Variants in SYN1 observed in about 807,000 individuals in gnomAD.
The protein encoded by SYN1 is synapsin-1.
A neutral mutation model predicts 44.6 loss-of-function variants in SYN1; 8 were observed. The observed-to-expected ratio is 0.18, with a 90% CI of 0.11 to 0.32. SYN1 has a LOEUF of 0.32. SYN1 is among the 10% of genes least tolerant of loss of function. The probability of loss-of-function intolerance (pLI) is 1.00; values close to 1 mark genes in which losing one functional copy is unlikely to be tolerated. For synonymous variants in SYN1, 275 were observed against 280.1 expected, an observed-to-expected ratio of 0.98 and a Z score of 0.18; for missense variants, 451 against 639.4, an observed-to-expected ratio of 0.71 and a Z score of 3.18.
chrX:47,614,342 T>C (rs1416955096), intron 1 of SYN1, among the ~76,000 whole-genome samples: 2 of 111,378 alleles, frequency 1.8e-5, no homozygotes, highest in Non-Finnish European at 3.8e-5. Flanking sequence ...GAGAAGGGCA[T>C]GGGGACCAAA....
chrX:47,577,362 G>A, intron 6 of SYN1, 77 bp downstream of exon 6: 1 of 1,056,113 alleles, frequency 9.5e-7, no homozygotes, highest in South Asian at 2.0e-5. Flanking sequence ...CACCCCAGGA[G>A]ACGCGATCAC....
intron 5 of SYN1, among the ~76,000 whole-genome samples, chrX:47,593,048 G>A (rs1205498550): frequency 6.5e-5 from 7 of 107,330 alleles, no homozygotes; most frequent in Non-Finnish European, 9.6e-5. Flanking sequence ...CTAATTTTGT[G>A]TTTTTTTTGT....
rs1569331330 is a variant in SYN1 at position 47,608,279 on chromosome X, G to GAAGA, written c.378-1082_378-1081insTCTT. Among the ~76,000 whole-genome samples the GAAGA allele has an allele frequency of 4.3e-3, 43 of 10,075 alleles. 2 individuals carry two copies. In the East Asian group the frequency reaches 0.17, roughly 40 times the overall value. The allele number at this position is 10,075 out of a possible 115,157, so 8.7% of individuals were successfully genotyped here. A position where few individuals can be genotyped will look rare whatever the true frequency, so the allele number is the denominator to read the frequency against. ...GGAAGGAAGGAAGGAAGGAAGGAAGGAAGGAAGGAAGGGGAAGGAAGGAAG... is the reference window on the plus strand; with the variant it reads ...GGAAGGAAGGAAGGAAGGAAGGAAGGAAGAAAGGAAGGAAGGGGAAGGAAGGAAG... On this transcript the variant is annotated intron_variant, in intron 1 of 12. Transcript: ENST00000295987.
At chrX:47,605,099 T>A in intron 4 of SYN1, 32 bp from the exon 5 acceptor site, 2 of 1,201,070 alleles carry the variant, frequency 1.7e-6, no homozygotes, top group Non-Finnish European at 2.3e-6. Flanking sequence ...GGTCAGTGAG[T>A]CCTTCACCAC....
chrX:47,605,449 A>C, intron 3 of SYN1, 70 bp from the exon 4 acceptor site: 3 of 1,146,733 alleles, frequency 2.6e-6, no homozygotes, highest in Non-Finnish European at 3.5e-6. Context: ...AACAAAGACC[A>C]AGTTTTTAAA....
In SYN1 at chrX:47,574,811, T is replaced by C. The variant is rs753513234; in HGVS notation, c.1306-36A>G. 3 of 1,113,207 alleles carry C rather than the reference T, an allele frequency of 2.7e-6. No individual in the cohort carries two copies. The South Asian group carries it at 5.8e-5, about 22-fold the overall frequency. 91.7% of individuals were successfully genotyped at this position (1,113,207 alleles called of 1,213,427 possible). On this transcript the variant is annotated intron_variant, in intron 10 of 12. Transcript: ENST00000295987. ...GGAATGGAGCAGGAGAGGTTAAAAA[T>C]AGTTACCAGCCAGTGGAGCATCAGC...
chrX:47,573,994 C>T lies in SYN1; in HGVS notation c.1982+8G>A, dbSNP rs1015222436. ...GCAAGGCGAAGGCTGCTGTAGGGGTCCCCTTACTTGAGCTGGGGGTGCGGA... is the reference window on the plus strand; with the variant it reads ...GCAAGGCGAAGGCTGCTGTAGGGGTTCCCTTACTTGAGCTGGGGGTGCGGA... On this transcript the variant is annotated splice_region_variant and intron_variant, in intron 12 of 12. Coordinates refer to ENST00000295987, the MANE Select transcript of SYN1 (RefSeq NM_006950.3). The T allele has an allele frequency of 2.7e-6, 3 of 1,129,993 alleles. No individual in the cohort carries two copies. Among genetic ancestry groups the T allele is most frequent in the Admixed American group, 2.8e-5 (1 of 35,874 alleles). 93.1% of individuals were successfully genotyped at this position (1,129,993 alleles called of 1,213,427 possible).
At chrX:47,594,374 T>C (rs906850862) in intron 5 of SYN1, among the ~76,000 whole-genome samples, 1 of 106,055 alleles carries the variant, frequency 9.4e-6, no homozygotes, top group Non-Finnish European at 1.9e-5. Flanking sequence ...CTACTAAAAA[T>C]ACAAAAATAA....
At position 47,602,089 on chromosome X, in the gene SYN1, G is replaced by A. The variant is rs139922116; in HGVS notation, c.774+2889C>T. Among the ~76,000 whole-genome samples, 429 of 112,403 alleles carry A rather than the reference G, an allele frequency of 3.8e-3. 4 individuals are homozygous for A. Among genetic ancestry groups the A allele is most frequent in the African/African-American group, 0.013 (400 of 30,980 alleles). On this transcript the variant is annotated intron_variant, in intron 5 of 12. Coordinates refer to ENST00000295987, the MANE Select transcript of SYN1 (RefSeq NM_006950.3). ...AGGTAGCAGTTAATATATGCCAGAT[G>A]CATTGTTCTAGACACCTTACATTTA...
chrX:47,583,179 G>A (rs1444339686), intron 5 of SYN1, among the ~76,000 whole-genome samples: 1 of 54,644 alleles, frequency 1.8e-5, no homozygotes, highest in African/African-American at 7.7e-5. Flanking sequence ...CCATAACCCC[G>A]CAACTCACTC....
intron 5 of SYN1, among the ~76,000 whole-genome samples, chrX:47,580,563 G>A (rs1387813149): frequency 1.8e-5 from 2 of 108,598 alleles, no homozygotes; most frequent in African/African-American, 3.4e-5. Flanking sequence ...CCCAGGAGGT[G>A]GAGGTTGCAG....
At position 47,619,609 on chromosome X, in the gene SYN1, G is replaced by C. The variant is rs1191401276; in HGVS notation, c.120C>G (p.Pro40=). The C allele has an allele frequency of 2.6e-6, 3 of 1,158,301 alleles. No individual in the cohort carries two copies. The African/African-American group carries it at 5.5e-5, about 21-fold the overall frequency. ...PPPPPPGAHS[P]GATPGPGTAT... The stretch of plus-strand genomic sequence containing the variant: ...CGGTCCCGGGACCGGGCGTGGCTCC[G>C]GGGCTGTGGGCACCGGGCGGCGGTG... The change falls in exon 1 of 13, where the codon CCC becomes CCG. Residue 40 remains proline (P), a synonymous_variant. Transcript: ENST00000295987.
intron 1 of SYN1, among the ~76,000 whole-genome samples, chrX:47,616,157 C>CT (rs1235644808): frequency 1.8e-5 from 2 of 111,357 alleles, no homozygotes; most frequent in Non-Finnish European, 1.9e-5. Flanking sequence ...AAACAGGTCT[C>CT]TGTTCCCCAC....
intron 1 of SYN1, among the ~76,000 whole-genome samples, chrX:47,612,860 C>T (rs753084395): frequency 3.9e-4 from 43 of 111,331 alleles, no homozygotes; most frequent in Non-Finnish European, 6.8e-4. Flanking sequence ...AGACTGGGCG[C>T]GGTGGCTCAC....
At position 47,572,637 on chromosome X, in the gene SYN1, C is replaced by A. The variant is rs1009389599; in HGVS notation, c.*227G>T. 1 of 413,474 alleles carries A rather than the reference C, an allele frequency of 2.4e-6. No homozygotes were observed. The allele number at this position is 413,474 out of a possible 1,213,427, so 34.1% of individuals were successfully genotyped here. A position where few individuals can be genotyped will look rare whatever the true frequency, so the allele number is the denominator to read the frequency against. ...ACAGAAGTAGATCCTGAAGTGACCACGAGTGGGGTTCTAAAAGGACTTGGG... is the reference window on the plus strand; with the variant it reads ...ACAGAAGTAGATCCTGAAGTGACCAAGAGTGGGGTTCTAAAAGGACTTGGG... On this transcript the variant is annotated 3_prime_UTR_variant, in exon 13 of 13. Transcript: ENST00000295987.
chrX:47,604,768 C>A (rs1280141665), intron 5 of SYN1: 1 of 441,253 alleles, frequency 2.3e-6, no homozygotes, highest in Non-Finnish European at 4.0e-6. Flanking sequence ...GTAACAGGAT[C>A]TGATACATAT....
chrX:47,589,427 A>G lies in SYN1; in HGVS notation c.775-11926T>C, dbSNP rs762587939. Among the ~76,000 whole-genome samples the G allele has an allele frequency of 2.8e-4, 30 of 106,797 alleles. No individual in the cohort carries two copies. In the East Asian group the frequency reaches 7.0e-3, roughly 25 times the overall value. The allele number at this position is 106,797 out of a possible 115,157, so 92.7% of individuals were successfully genotyped here. On this transcript the variant is annotated intron_variant, in intron 5 of 12. Transcript: ENST00000295987. ...GCTAACAAGGTGAAACCCTGTCTCT[A>G]CTAAAAATACCAAAAAAAAAAAAAA...
At chrX:47,573,314 G>T (rs983777478) in intron 12 of SYN1, among the ~76,000 whole-genome samples, 1 of 111,449 alleles carries the variant, frequency 9.0e-6, no homozygotes, top group African/African-American at 3.3e-5. Flanking sequence ...TGAATTCTTG[G>T]CTAGTTTGAT....
At chrX:47,613,964 C>G (rs1473787913) in intron 1 of SYN1, among the ~76,000 whole-genome samples, 1 of 111,962 alleles carries the variant, frequency 8.9e-6, no homozygotes, top group African/African-American at 3.2e-5. Context: ...TACCAGCAAT[C>G]CCAGTGATCC....
Sources: gnomAD v4.1 joint callset for allele counts (sites outside exome capture counted in the v4.1 genomes callset) on GRCh38, gnomAD v4.1.1 for gene constraint, MANE v1.5 for transcripts, NCBI Gene and HGNC (gene_info 2026-07-23, HGNC 2026-07-21) for gene names.